The following EPHB1 variants were observed in gnomAD, a reference collection of about 807,000 sequenced individuals.
EPHB1 encodes the protein EPH receptor B1, also known as ephrin type-B receptor 1.
EPHB1 carries 30 observed loss-of-function variants against 94.4 expected under a neutral mutation model. The observed-to-expected ratio is 0.32, with a 90% CI of 0.24 to 0.43. EPHB1 has a LOEUF of 0.43. EPHB1 is among the 20% of genes least tolerant of loss of function. The pLI, the probability that EPHB1 is intolerant of heterozygous loss-of-function variation, is 1.00. For synonymous variants in EPHB1, 522 were observed against 489.1 expected, an observed-to-expected ratio of 1.07 and a Z score of -0.89; for missense variants, 1,055 against 1,308.3, an observed-to-expected ratio of 0.81 and a Z score of 2.99.
Position 134,866,875 on chromosome 3 carries a change from A to G in EPHB1, c.59-58941A>G, listed in dbSNP as rs142441559. Among the ~76,000 whole-genome samples the G allele has an allele frequency of 8.1e-3, 1,235 of 152,308 alleles. 11 individuals are homozygous for G. Among genetic ancestry groups the G allele is most frequent in the Non-Finnish European group, 0.013 (904 of 68,016 alleles). On this transcript the variant is annotated intron_variant, in intron 1 of 15. Transcript: ENST00000398015. ...GGGAGCAGAACTGCTAAAGGGGAGC[A>G]GATACCCTCTTGCCCACACATCTCT...
intron 5 of EPHB1, among the ~76,000 whole-genome samples, chr3:135,148,536 A>G (rs1046541917): frequency 2.6e-5 from 4 of 151,766 alleles, no homozygotes; most frequent in Non-Finnish European, 5.9e-5. Flanking sequence ...TGCATCTTCG[A>G]TACTACTGGC....
chr3:135,069,775 A>C (rs924995770), intron 3 of EPHB1, among the ~76,000 whole-genome samples: 2 of 152,040 alleles, frequency 1.3e-5, no homozygotes, highest in East Asian at 3.9e-4. Flanking sequence ...GACATCAATA[A>C]CCTTGTGTTC....
intron 3 of EPHB1, among the ~76,000 whole-genome samples, chr3:135,058,802 A>G (rs1444829043): frequency 6.6e-6 from 1 of 152,214 alleles, no homozygotes; most frequent in Non-Finnish European, 1.5e-5. Context: ...GTTCATACAG[A>G]TGAGCGGCTT....
intron 3 of EPHB1, among the ~76,000 whole-genome samples, chr3:134,969,117 C>T (rs879262167): frequency 6.6e-6 from 1 of 152,180 alleles, no homozygotes; most frequent in Non-Finnish European, 1.5e-5. Flanking sequence ...TACCATTTTC[C>T]ATTACCATCA....
chr3:135,093,865 T>A (rs1312297222), intron 3 of EPHB1, among the ~76,000 whole-genome samples: 4 of 152,206 alleles, frequency 2.6e-5, no homozygotes, highest in African/African-American at 9.6e-5. Context: ...CAATATTTGT[T>A]CCCACTATTT....
chr3:135,193,057 T>C (rs1942501301), intron 11 of EPHB1, among the ~76,000 whole-genome samples: 1 of 152,072 alleles, frequency 6.6e-6, no homozygotes, highest in Non-Finnish European at 1.5e-5. Context: ...ATTGGATGAA[T>C]AAAATGAATA....
At chr3:134,869,741 TAGC>T (rs59207458) in intron 1 of EPHB1, among the ~76,000 whole-genome samples, 47,978 of 152,024 alleles carry the variant, frequency 0.32, 8,943 homozygotes, top group African/African-American at 0.53. Context: ...ACAAAAGTGA[TAGC>T]AGTTTTTTTT....
At chr3:135,013,038 T>C (rs1194861920) in intron 3 of EPHB1, among the ~76,000 whole-genome samples, 2 of 152,166 alleles carry the variant, frequency 1.3e-5, no homozygotes, top group Non-Finnish European at 1.5e-5. Context: ...ATAATAGATG[T>C]GGCACCTGAT....
intron 3 of EPHB1, among the ~76,000 whole-genome samples, chr3:135,091,649 A>G (rs1340456635): frequency 6.6e-6 from 1 of 152,204 alleles, no homozygotes; most frequent in Non-Finnish European, 1.5e-5. Context: ...AAAGGAAGGA[A>G]CAATAGCAAG....
At chr3:135,180,448 A>G (rs922050364) in intron 10 of EPHB1, among the ~76,000 whole-genome samples, 1 of 152,230 alleles carries the variant, frequency 6.6e-6, no homozygotes, top group African/African-American at 2.4e-5. Context: ...AAGAGAGACC[A>G]CTGTTTCCAG....
At chr3:134,968,955 G>A (rs1025432511) in intron 3 of EPHB1, among the ~76,000 whole-genome samples, 8 of 152,168 alleles carry the variant, frequency 5.3e-5, no homozygotes, top group African/African-American at 1.4e-4. Flanking sequence ...GTATCCATTC[G>A]CTTGTTGAGG....
In EPHB1 at chr3:134,959,066, C is replaced by G. The variant is rs559900626; in HGVS notation, c.805+7014C>G. ...CTGCCCTAGGTGGATTTTGTTTGAACTTGGTCATCCATGACTTAATATATA... is the reference window on the plus strand; with the variant it reads ...CTGCCCTAGGTGGATTTTGTTTGAAGTTGGTCATCCATGACTTAATATATA... On this transcript the variant is annotated intron_variant, in intron 3 of 15. Transcript: ENST00000398015. Among the ~76,000 whole-genome samples, 146 of 152,318 alleles carry G rather than the reference C, an allele frequency of 9.6e-4. 1 individual carries two copies. The South Asian group carries it at 0.029, about 31-fold the overall frequency.
intron 4 of EPHB1, among the ~76,000 whole-genome samples, chr3:135,108,184 C>T (rs115503803): frequency 2.5e-3 from 378 of 152,146 alleles, no homozygotes; most frequent in African/African-American, 8.3e-3. Context: ...AGTGTGCAGC[C>T]GTTGACTTTA....
intron 3 of EPHB1, among the ~76,000 whole-genome samples, chr3:135,098,725 A>T (rs1252100735): frequency 6.6e-6 from 1 of 152,030 alleles, no homozygotes; most frequent in East Asian, 1.9e-4. Flanking sequence ...AAGAATCCAC[A>T]CTTTGACCGA....
chr3:135,188,512 T>C (rs1576456336), intron 10 of EPHB1, among the ~76,000 whole-genome samples: 1 of 152,044 alleles, frequency 6.6e-6, no homozygotes, highest in East Asian at 1.9e-4. Flanking sequence ...AATAGAATAA[T>C]AAATAAATAA....
intron 3 of EPHB1, among the ~76,000 whole-genome samples, chr3:135,041,160 C>T (rs933787493): frequency 6.6e-5 from 10 of 152,100 alleles, no homozygotes; most frequent in East Asian, 1.9e-4. Flanking sequence ...TAGTGGTGGG[C>T]GTGCTAGCCA....
At chr3:135,176,938 T>A (rs1259693324) in intron 9 of EPHB1, among the ~76,000 whole-genome samples, 2 of 152,186 alleles carry the variant, frequency 1.3e-5, no homozygotes, top group African/African-American at 2.4e-5. Flanking sequence ...GTAACTAATA[T>A]AACCCTAAGC....
intron 1 of EPHB1, among the ~76,000 whole-genome samples, chr3:134,831,177 C>A (rs1426665417): frequency 6.6e-6 from 1 of 152,206 alleles, no homozygotes; most frequent in Non-Finnish European, 1.5e-5. Flanking sequence ...CAGTGTCCTG[C>A]CCCTGGCAAA....
In EPHB1 at chr3:135,063,905, A is replaced by G. The variant is rs549789027; in HGVS notation, c.806-42543A>G. Among the ~76,000 whole-genome samples the G allele has an allele frequency of 3.0e-3, 462 of 152,086 alleles. 3 individuals carry two copies. Among genetic ancestry groups the G allele is most frequent in the African/African-American group, 0.011 (440 of 41,512 alleles). Reference sequence around the variant, plus strand: ...TTTGCTGAGAGTTTTAATCATAAAGAGATGCTGGATTTTTTCGAATGCATT... The same window carrying G: ...TTTGCTGAGAGTTTTAATCATAAAGGGATGCTGGATTTTTTCGAATGCATT... On this transcript the variant is annotated intron_variant, in intron 3 of 15. Transcript: ENST00000398015.
Sources: allele counts gnomAD v4.1 joint callset (sites outside exome capture counted in the v4.1 genomes callset), GRCh38; gene constraint gnomAD v4.1.1; transcripts MANE v1.5; gene names NCBI Gene and HGNC (gene_info 2026-07-23, HGNC 2026-07-21).